The following SPAST variants were observed in gnomAD, a reference collection of about 807,000 sequenced individuals.
SPAST encodes spastic paraplegia 4 (autosomal dominant; spastin).
In SPAST, 30 loss-of-function variants were observed where a neutral mutation model predicts 76.6. The ratio of observed to expected loss-of-function variants is 0.39; its 90% confidence interval spans 0.29 to 0.53. SPAST has a LOEUF of 0.53. SPAST is among the 20% of genes least tolerant of loss of function. The pLI, the probability that SPAST is intolerant of heterozygous loss-of-function variation, is 0.68. For missense variants in SPAST, 717 were observed against 770.5 expected (o/e 0.93, Z 0.82); for synonymous variants, 305 against 281.0 (o/e 1.09, Z -0.86).
chr2:32,105,391 TTTCGAACA>T (rs1312260592), intron 4 of SPAST, among the ~76,000 whole-genome samples: 6 of 152,174 alleles, frequency 3.9e-5, no homozygotes, highest in Non-Finnish European at 5.9e-5. Flanking sequence ...TTTGCAATGG[TTTCGAACA>T]TCCTCCTTTA....
chr2:32,108,688 C>T (rs2148725789), intron 4 of SPAST, among the ~76,000 whole-genome samples: 1 of 143,830 alleles, frequency 7.0e-6, no homozygotes, highest in Admixed American at 6.9e-5. Flanking sequence ...TGGGCTCAAT[C>T]ATTTCTGCCG....
At chr2:32,139,721 C>A (rs951360538) in intron 12 of SPAST, among the ~76,000 whole-genome samples, 2 of 151,166 alleles carry the variant, frequency 1.3e-5, no homozygotes, top group Admixed American at 1.3e-4. Context: ...CCCATCTGCT[C>A]GGGAGGCTGA....
At chr2:32,092,069 T>C (rs540787537) in intron 3 of SPAST, among the ~76,000 whole-genome samples, 2 of 152,178 alleles carry the variant, frequency 1.3e-5, no homozygotes, top group Admixed American at 6.5e-5. Flanking sequence ...TAGAAAGATA[T>C]ATTCATAAAC....
intron 1 of SPAST, among the ~76,000 whole-genome samples, chr2:32,068,930 C>T (rs1291806246): frequency 6.6e-6 from 1 of 151,534 alleles, no homozygotes; most frequent in Non-Finnish European, 1.5e-5. Flanking sequence ...GTGGCTCAAG[C>T]CGGGTGCAGT....
chr2:32,121,535 CTTTTTTTTTT>C lies in SPAST; in HGVS notation c.1098+5337_1098+5346del, dbSNP rs34519148. Among the ~76,000 whole-genome samples, 12 of 102,732 alleles carry C rather than the reference CTTTTTTTTTT, an allele frequency of 1.2e-4. No individual in the cohort carries two copies. The South Asian group carries it at 2.0e-3, about 17-fold the overall frequency. The allele number at this position is 102,732 out of a possible 152,430, so 67.4% of individuals were successfully genotyped here. A position where few individuals can be genotyped will look rare whatever the true frequency, so the allele number is the denominator to read the frequency against. ...AAGTTTTTTTGTTTCATCTTTCTCA[CTTTTTTTTTT>C]TTTTTTTTTTTTTAAGACACAGTCT... is the stretch of plus-strand genomic sequence containing the variant. On this transcript the variant is annotated intron_variant, in intron 7 of 16. Coordinates refer to ENST00000315285, the MANE Select transcript of SPAST (RefSeq NM_014946.4).
chr2:32,065,443 A>G (rs1257362035), intron 1 of SPAST, among the ~76,000 whole-genome samples: 4 of 152,202 alleles, frequency 2.6e-5, no homozygotes, highest in Non-Finnish European at 5.9e-5. Context: ...TAATCCTCAC[A>G]ATAACTTTGT....
chr2:32,112,015 T>A (rs6746131), intron 4 of SPAST, among the ~76,000 whole-genome samples: 1 of 136,372 alleles, frequency 7.3e-6, no homozygotes, highest in African/African-American at 2.8e-5. Context: ...AGTAGTAGTT[T>A]TTTTTTTTTT....
chr2:32,114,475 AC>A (rs1481922033), intron 4 of SPAST, among the ~76,000 whole-genome samples, 162 bp from the exon 5 acceptor site: 1 of 152,140 alleles, frequency 6.6e-6, no homozygotes, highest in African/African-American at 2.4e-5. Flanking sequence ...CTACCTAGTG[AC>A]CACCCCTATG....
intron 1 of SPAST, among the ~76,000 whole-genome samples, chr2:32,083,774 A>ATTTTTT (rs1333329179): frequency 7.4e-5 from 4 of 54,390 alleles, no homozygotes; most frequent in Admixed American, 2.4e-4. Context: ...ATATATATAT[A>ATTTTTT]TATTTTTTTT....
chr2:32,128,312 A>G, intron 8 of SPAST, 96 bp from the exon 9 acceptor site: 1 of 944,418 alleles, frequency 1.1e-6, no homozygotes, highest in Non-Finnish European at 1.7e-6. Context: ...TTACATTTTT[A>G]GAGAATCTTT....
chr2:32,110,013 ATG>A (rs1351470079), intron 4 of SPAST, among the ~76,000 whole-genome samples: 5 of 148,524 alleles, frequency 3.4e-5, no homozygotes, highest in African/African-American at 9.8e-5. Flanking sequence ...CAAAATAACT[ATG>A]TATATATAGC....
At chr2:32,066,995 A>AAAAAAAAAAAAAAAAAAAAAACC (rs1676545749) in intron 1 of SPAST, among the ~76,000 whole-genome samples, 2 of 47,008 alleles carry the variant, frequency 4.3e-5, no homozygotes, top group South Asian at 1.9e-3. Context: ...AAAAAAAACC[A>AAAAAAAAAAAAAAAAAAAAAACC]AAAAAAAAAA....
At chr2:32,077,419 T>C (rs1002367124) in intron 1 of SPAST, among the ~76,000 whole-genome samples, 2 of 152,174 alleles carry the variant, frequency 1.3e-5, no homozygotes, top group African/African-American at 4.8e-5. Flanking sequence ...ATTTACTAAG[T>C]ATAATAAAGA....
In SPAST at chr2:32,063,882, C is replaced by G. The variant is rs1303074496; in HGVS notation, c.51C>G (p.Ser17Arg). 2 of 1,583,584 alleles carry G rather than the reference C, an allele frequency of 1.3e-6. No homozygotes were observed. The highest frequency in any genetic ancestry group is 2.7e-5 in the African/African-American group (2 of 74,440). ...AGAAGAAAGGCTCCGGCGGCGCCAGCAACCCGGTGCCTCCCAGGCCTCCGC... is the reference window on the plus strand; with the variant it reads ...AGAAGAAAGGCTCCGGCGGCGCCAGGAACCCGGTGCCTCCCAGGCCTCCGC... Reference protein sequence around the residue: ...RGKKKGSGGASNPVPPRPPPP... With the variant: ...RGKKKGSGGARNPVPPRPPPP... Residue 17 changes from serine (S) to arginine (R), a missense_variant, in exon 1 of 17, where the codon AGC becomes AGG. Around this residue, in one of 3 missense-constraint regions of SPAST, gnomAD observed 543 missense variants for 445.2 expected, o/e 1.22. Coordinates refer to ENST00000315285, the MANE Select transcript of SPAST (RefSeq NM_014946.4).
intron 2 of SPAST, among the ~76,000 whole-genome samples, chr2:32,089,241 T>C (rs968542439): frequency 7.2e-5 from 10 of 138,070 alleles, no homozygotes; most frequent in South Asian, 2.6e-4. Flanking sequence ...GATCTCTTTA[T>C]GTTGCCCAGG....
At chr2:32,143,859 C>T (rs1416575324) in intron 14 of SPAST, among the ~76,000 whole-genome samples, 2 of 151,956 alleles carry the variant, frequency 1.3e-5, no homozygotes, top group African/African-American at 2.4e-5. Context: ...CAGAGTGAGA[C>T]CCTGTCTCAA....
At chr2:32,133,316 A>G (rs1679432236) in intron 9 of SPAST, among the ~76,000 whole-genome samples, 1 of 152,244 alleles carries the variant, frequency 6.6e-6, no homozygotes, top group Admixed American at 6.5e-5. Flanking sequence ...ATTACCACAA[A>G]GCGAATATAC....
intron 1 of SPAST, 33 bp downstream of exon 1, chr2:32,064,279 GCCGGGAAGAAGGCGGTGGGGTCGC>G: frequency 7.6e-7 from 1 of 1,309,450 alleles, no homozygotes. Context: ...GGGCGGCGGC[GCCGGGAAGAAGGCGGTGGGGTCGC>G]CGGGGGAGGG....
rs750529009 is a variant in SPAST at position 32,098,791 on chromosome 2, C to G, written c.587-5C>G. ...TTTCTGTTTTTTACCTTCTCTGTTG[C>G]ATAGAGAAGATGCAACCAGTTTTGC... On this transcript the variant is annotated splice_polypyrimidine_tract_variant and splice_region_variant and intron_variant, in intron 3 of 16. Transcript: ENST00000315285. 4 of 1,584,818 alleles carry G rather than the reference C, an allele frequency of 2.5e-6. No homozygotes were observed. The highest frequency in any genetic ancestry group is 2.2e-5 in the East Asian group (1 of 44,684).
Sources: allele counts gnomAD v4.1 joint callset (sites outside exome capture counted in the v4.1 genomes callset), GRCh38; gene constraint gnomAD v4.1.1; regional missense constraint gnomAD v4.1.1; transcripts MANE v1.5; gene names NCBI Gene and HGNC (gene_info 2026-07-23, HGNC 2026-07-21).